Variants in RSPH14 observed in about 807,000 individuals in gnomAD.
The protein encoded by RSPH14 is rhabdoid tumor deletion region gene 1.
Under a neutral mutation model 26.7 loss-of-function variants are expected in RSPH14, and 20 were observed. The observed-to-expected ratio is 0.75, with a 90% CI of 0.53 to 1.09. The LOEUF (loss-of-function observed/expected upper bound fraction) is 1.09. Ranked by LOEUF, RSPH14 falls within the 50% of genes least tolerant of loss-of-function variation. The pLI is 0.00. For synonymous variants in RSPH14, 177 were observed against 189.3 expected (o/e 0.93, Z 0.53); for missense variants, 449 against 457.2 (o/e 0.98, Z 0.16).
the RSPH14 span, among the ~76,000 whole-genome samples, chr22:23,172,652 C>CAA: frequency 8.8e-5 from 4 of 45,324 alleles, no homozygotes; most frequent in Non-Finnish European, 1.4e-4. Context: ...GAATCCGTCT[C>CAA]AAAAAAAAAA....
intron 1 of RSPH14, among the ~76,000 whole-genome samples, chr22:23,140,772 G>A (rs1475106329): frequency 1.3e-5 from 2 of 152,160 alleles, no homozygotes; most frequent in African/African-American, 4.8e-5. Flanking sequence ...AACCAAACAA[G>A]CAAACTCCAA....
chr22:23,087,201 C>A (rs2068844160), intron 4 of RSPH14, among the ~76,000 whole-genome samples: 1 of 152,190 alleles, frequency 6.6e-6, no homozygotes, highest in African/African-American at 2.4e-5. Flanking sequence ...CATGGTGGCT[C>A]ACACCTATAA....
chr22:23,130,143 GAAAGAAAGAAAGAAAGAAAA>G (rs2070311311), intron 4 of RSPH14, among the ~76,000 whole-genome samples: 1 of 116,590 alleles, frequency 8.6e-6, no homozygotes, highest in Non-Finnish European at 1.8e-5. Flanking sequence ...AAGAAAGAAA[GAAAGAAAGAAAGAAAGAAAA>G]AGAAAAAGAA....
the RSPH14 span, among the ~76,000 whole-genome samples, chr22:23,172,191 A>G: frequency 6.6e-6 from 1 of 152,034 alleles, no homozygotes; most frequent in Admixed American, 6.6e-5. Context: ...ATTTCATTTC[A>G]TTTTTTTCTT....
At chr22:23,073,622 G>C (rs1004709041) in intron 4 of RSPH14, among the ~76,000 whole-genome samples, 5 of 152,248 alleles carry the variant, frequency 3.3e-5, no homozygotes, top group Non-Finnish European at 5.9e-5. Flanking sequence ...AACACCGCCA[G>C]GGGAGGCGCT....
intron 4 of RSPH14, among the ~76,000 whole-genome samples, chr22:23,090,514 C>T (rs368400505): frequency 1.2e-4 from 19 of 152,180 alleles, no homozygotes; most frequent in African/African-American, 4.1e-4. Context: ...CTCACCCAAA[C>T]CCTGGCTGGC....
chr22:23,140,175 C>A, intron 2 of RSPH14, 47 bp downstream of exon 2: 1 of 1,605,812 alleles, frequency 6.2e-7, no homozygotes, highest in East Asian at 2.2e-5. Context: ...GTGCCTGAAG[C>A]CATGCTAGGA....
At chr22:23,141,341 A>G (rs2070597703) in intron 1 of RSPH14, among the ~76,000 whole-genome samples, 1 of 151,914 alleles carries the variant, frequency 6.6e-6, no homozygotes, top group African/African-American at 2.4e-5. Context: ...AAAAAAAAAA[A>G]AAAAAAAAGT....
chr22:23,162,466 A>G, the RSPH14 span: 9 of 372,542 alleles, frequency 2.4e-5, no homozygotes, highest in Middle Eastern at 6.2e-4. Flanking sequence ...TCATTGGCCT[A>G]TACATCTCTT....
rs75024171 is a variant in RSPH14, at chr22:23,103,931, C to T, written c.421+30095G>A. 6.0e-3 allele frequency among the ~76,000 whole-genome samples: 909 copies of T among 152,324 alleles called. 9 individuals are homozygous for T. The highest frequency in any genetic ancestry group is 0.021 in the African/African-American group (861 of 41,578). On this transcript the variant is annotated intron_variant, in intron 4 of 6. Transcript: ENST00000216036. Reference sequence around the variant, plus strand: ...CTCTCTGTGACTGGCCCTGAGCCTGCCCTAGGAAACAGTTTTCTAGGTGCA... The same window carrying T: ...CTCTCTGTGACTGGCCCTGAGCCTGTCCTAGGAAACAGTTTTCTAGGTGCA...
At chr22:23,143,590 C>G (rs1175336025), upstream of RSPH14, among the ~76,000 whole-genome samples, 1 of 152,182 alleles carries the variant, frequency 6.6e-6, no homozygotes, top group Non-Finnish European at 1.5e-5. Flanking sequence ...AGCCAGATCC[C>G]CTTTGTCCTG....
intron 5 of RSPH14, 40 bp from the exon 6 acceptor site, chr22:23,061,985 G>A (rs1395584263): frequency 6.2e-7 from 1 of 1,611,502 alleles, no homozygotes; most frequent in South Asian, 1.1e-5. Flanking sequence ...CTGCTTGGAA[G>A]GGAGAAGAGG....
At chr22:23,152,400 T>A in the RSPH14 span, 2 of 1,549,772 alleles carry the variant, frequency 1.3e-6, no homozygotes, top group Non-Finnish European at 1.8e-6. Flanking sequence ...GAAGGGGCTG[T>A]GAGTGTCTGA....
chr22:23,161,265 G>A, the RSPH14 span, among the ~76,000 whole-genome samples: 1 of 152,082 alleles, frequency 6.6e-6, no homozygotes, highest in Non-Finnish European at 1.5e-5. Flanking sequence ...GCCCAGGCTG[G>A]GCGTCCCAGG....
At chr22:23,145,650 A>G, upstream of RSPH14, 1 of 1,319,954 alleles carries the variant, frequency 7.6e-7, no homozygotes, top group South Asian at 1.4e-5. Context: ...GTCCGCGCCC[A>G]CTTCCCGCCC....
chr22:23,059,874 T>C (rs1008211959), intron 6 of RSPH14, among the ~76,000 whole-genome samples, 156 bp from the exon 7 acceptor site: 2 of 152,240 alleles, frequency 1.3e-5, no homozygotes, highest in African/African-American at 4.8e-5. Context: ...CTCAGGGCTC[T>C]TGCACCTTCG....
chr22:23,064,635 C>T (rs1439936459), intron 4 of RSPH14, among the ~76,000 whole-genome samples: 4 of 152,194 alleles, frequency 2.6e-5, no homozygotes, highest in African/African-American at 9.7e-5. Flanking sequence ...TTGGTTTTGA[C>T]TCTGAGACAG....
At chr22:23,125,983 C>T (rs925236230) in intron 4 of RSPH14, among the ~76,000 whole-genome samples, 1 of 152,060 alleles carries the variant, frequency 6.6e-6, no homozygotes, top group African/African-American at 2.4e-5. Context: ...CTGTCACCGC[C>T]CCATCCCTAC....
intron 4 of RSPH14, among the ~76,000 whole-genome samples, chr22:23,117,576 C>A (rs536925006): frequency 1.3e-5 from 2 of 152,362 alleles, no homozygotes; most frequent in South Asian, 4.1e-4. Flanking sequence ...AGAGGACGTC[C>A]CAGTGCCAAG....
Sources: gnomAD v4.1 joint callset for allele counts (sites outside exome capture counted in the v4.1 genomes callset) on GRCh38, gnomAD v4.1.1 for gene constraint, MANE v1.5 for transcripts, NCBI Gene and HGNC (gene_info 2026-07-23, HGNC 2026-07-21) for gene names.